FOXO3: variants seen among roughly 807,000 people sequenced by gnomAD.
FOXO3 encodes forkhead box O3.
A neutral mutation model predicts 41.9 loss-of-function variants in FOXO3; 4 were observed. That is an observed-to-expected ratio of 0.10 (90% confidence interval 0.05 to 0.22). FOXO3 has a LOEUF of 0.22. Ranked by LOEUF, FOXO3 falls within the 10% of genes least tolerant of loss-of-function variation. The pLI is 1.00. For synonymous variants in FOXO3, 318 were observed against 389.3 expected, an observed-to-expected ratio of 0.82 and a Z score of 2.16; for missense variants, 534 against 906.8, an observed-to-expected ratio of 0.59 and a Z score of 5.28.
At chr6:108,651,827 G>T (rs1267854056) in intron 1 of FOXO3, among the ~76,000 whole-genome samples, 1 of 152,208 alleles carries the variant, frequency 6.6e-6, no homozygotes, top group Non-Finnish European at 1.5e-5. Flanking sequence ...CAGAGTTTTT[G>T]ATTGAGGTTA....
intron 1 of FOXO3, chr6:108,617,939 T>G (rs1777561874): frequency 2.2e-6 from 1 of 460,018 alleles, no homozygotes; most frequent in Non-Finnish European, 4.0e-6. Flanking sequence ...AGTTTTCTAC[T>G]TGAGAAGGTA....
chr6:108,664,708 G>GTCCATTA lies in FOXO3; in HGVS notation c.1879_1885dup (p.Arg629HisfsTer4). The GTCCATTA allele has an allele frequency of 8.7e-7, 1 of 1,146,496 alleles. No individual in the cohort carries two copies. The highest frequency in any genetic ancestry group is 1.3e-6 in the Non-Finnish European group (1 of 769,164). 71.0% of individuals were successfully genotyped at this position (1,146,496 alleles called of 1,614,324 possible). A position where few individuals can be genotyped will look rare whatever the true frequency, so the allele number is the denominator to read the frequency against. On this transcript the variant is annotated frameshift_variant, in exon 2 of 3. Coordinates refer to ENST00000406360, the MANE Select transcript of FOXO3 (RefSeq NM_001455.4). LOFTEE classifies it high-confidence loss of function. ...ATGGGAGCTTGGAATGTGACATGGA[G>GTCCATTA]TCCATTATCCGTAGTGAACTCATGG...
intron 2 of FOXO3, among the ~76,000 whole-genome samples, chr6:108,677,939 A>G (rs1010838280): frequency 4.6e-5 from 7 of 152,180 alleles, no homozygotes; most frequent in African/African-American, 1.4e-4. Flanking sequence ...GAATGCCCCA[A>G]AAAACCATCA....
At chr6:108,649,688 C>G (rs1339210005) in intron 1 of FOXO3, among the ~76,000 whole-genome samples, 1 of 151,800 alleles carries the variant, frequency 6.6e-6, no homozygotes, top group African/African-American at 2.4e-5. Flanking sequence ...TGTGCCTGGC[C>G]CCTACTTCCC....
chr6:108,595,846 C>A (rs1776868662), intron 1 of FOXO3, among the ~76,000 whole-genome samples: 1 of 152,116 alleles, frequency 6.6e-6, no homozygotes, highest in Admixed American at 6.5e-5. Context: ...GCCAAGCTGC[C>A]AATTTACCTT....
intron 1 of FOXO3, among the ~76,000 whole-genome samples, chr6:108,573,372 A>G (rs144659162): frequency 3.3e-5 from 5 of 152,288 alleles, no homozygotes; most frequent in East Asian, 3.9e-4. Flanking sequence ...CTTTACCTCT[A>G]TCCCCAGGAA....
At chr6:108,577,573 G>A (rs1446348714) in intron 1 of FOXO3, among the ~76,000 whole-genome samples, 3 of 152,170 alleles carry the variant, frequency 2.0e-5, no homozygotes, top group Non-Finnish European at 4.4e-5. Flanking sequence ...AAAACCACCA[G>A]TGCCTAGGTA....
intron 1 of FOXO3, among the ~76,000 whole-genome samples, chr6:108,647,891 C>T (rs906882526): frequency 1.5e-4 from 23 of 152,252 alleles, no homozygotes; most frequent in African/African-American, 5.5e-4. Context: ...TAAATGTCAT[C>T]GTATGTGTTT....
chr6:108,645,559 A>T (rs1282351909), intron 1 of FOXO3, among the ~76,000 whole-genome samples: 2 of 151,514 alleles, frequency 1.3e-5, no homozygotes, highest in African/African-American at 4.9e-5. Context: ...TTAAGTCCCT[A>T]TCCTTAATGG....
At chr6:108,660,261 C>G (rs967240408) in intron 1 of FOXO3, among the ~76,000 whole-genome samples, 1 of 152,162 alleles carries the variant, frequency 6.6e-6, no homozygotes, top group African/African-American at 2.4e-5. Context: ...ATGCTTCATA[C>G]CTATTGCATA....
intron 1 of FOXO3, chr6:108,639,536 A>G (rs1269611083): frequency 1.8e-5 from 18 of 985,214 alleles, no homozygotes; most frequent in Non-Finnish European, 1.9e-5. Context: ...GCCTGGGTAC[A>G]GTGACCCAAG....
At chr6:108,652,839 T>C (rs1330999880) in intron 1 of FOXO3, among the ~76,000 whole-genome samples, 1 of 152,176 alleles carries the variant, frequency 6.6e-6, no homozygotes, top group Non-Finnish European at 1.5e-5. Context: ...TGGTTTTGAG[T>C]GTGCCTGGGA....
chr6:108,582,166 A>G (rs538470837), intron 1 of FOXO3, among the ~76,000 whole-genome samples: 2 of 152,228 alleles, frequency 1.3e-5, no homozygotes, highest in Admixed American at 1.3e-4. Flanking sequence ...CCCTTTCTTC[A>G]CTGGCTTGGT....
rs1306360338 is a variant in FOXO3, at chr6:108,682,876, GA to G, written c.*3085del. 3 of 152,682 alleles carry G rather than the reference GA, an allele frequency of 2.0e-5. No individual in the cohort carries two copies. The highest frequency in any genetic ancestry group is 7.2e-5 in the African/African-American group (3 of 41,464). 9.5% of individuals were successfully genotyped at this position (152,682 alleles called of 1,614,324 possible). A position where few individuals can be genotyped will look rare whatever the true frequency, so the allele number is the denominator to read the frequency against. ...TCTAGGGAGCCGCCTACTTTTTGATGAGAAATTAGAAGAGTACCTAATGTTG... is the reference window on the plus strand; with the variant it reads ...TCTAGGGAGCCGCCTACTTTTTGATGGAAATTAGAAGAGTACCTAATGTTG... On this transcript the variant is annotated 3_prime_UTR_variant, in exon 3 of 3. Transcript: ENST00000406360.
rs114239687 is a variant in FOXO3, at chr6:108,611,851, A to C, written c.621+50022A>C. On this transcript the variant is annotated intron_variant, in intron 1 of 2. Coordinates refer to ENST00000406360, the MANE Select transcript of FOXO3 (RefSeq NM_001455.4). Reference sequence around the variant, plus strand: ...TTTGTTAACAGTGTCCTAACAACTAAAGAGCTAAGTTTTAGCTCTTAAATT... The same window carrying C: ...TTTGTTAACAGTGTCCTAACAACTACAGAGCTAAGTTTTAGCTCTTAAATT... Among the ~76,000 whole-genome samples the C allele has an allele frequency of 8.0e-3, 1,218 of 152,258 alleles. 18 individuals are homozygous for C. Among genetic ancestry groups the C allele is most frequent in the African/African-American group, 0.028 (1,154 of 41,556 alleles).
chr6:108,594,195 G>A (rs562064369), intron 1 of FOXO3, among the ~76,000 whole-genome samples: 2 of 152,274 alleles, frequency 1.3e-5, no homozygotes, highest in South Asian at 4.1e-4. Context: ...TAAGTAGAAG[G>A]AAAAGGGCAG....
rs1024200790 is a variant in FOXO3, at chr6:108,680,557, G to A, written c.*765G>A. 4 of 152,404 alleles carry A rather than the reference G, an allele frequency of 2.6e-5. No individual in the cohort carries two copies. Among genetic ancestry groups the A allele is most frequent in the East Asian group, 1.9e-4 (1 of 5,208 alleles). The allele number at this position is 152,404 out of a possible 1,614,324, so 9.4% of individuals were successfully genotyped here. A position where few individuals can be genotyped will look rare whatever the true frequency, so the allele number is the denominator to read the frequency against. ...CTGAGTCAGGGTGATCTGTGGACGG[G>A]ACCCCAGCACCAAGTCTACGGGTGC... On this transcript the variant is annotated 3_prime_UTR_variant, in exon 3 of 3. Transcript: ENST00000406360.
chr6:108,678,890 T>TTTTTTTTTTTTTTTTTTTTC (rs368405598), intron 2 of FOXO3, among the ~76,000 whole-genome samples: 2 of 115,334 alleles, frequency 1.7e-5, no homozygotes, highest in Non-Finnish European at 1.8e-5. Context: ...TTTTTTTTTT[T>TTTTTTTTTTTTTTTTTTTTC]TGAGACGGAG....
At chr6:108,625,161 C>T (rs940767018) in intron 1 of FOXO3, among the ~76,000 whole-genome samples, 20 of 152,056 alleles carry the variant, frequency 1.3e-4, no homozygotes, top group African/African-American at 4.4e-4. Flanking sequence ...ATTTATCTGA[C>T]GTTTGTTATA....
Sources: gnomAD v4.1 joint callset for allele counts (sites outside exome capture counted in the v4.1 genomes callset) on GRCh38, gnomAD v4.1.1 for gene constraint, MANE v1.5 for transcripts, NCBI Gene and HGNC (gene_info 2026-07-23, HGNC 2026-07-21) for gene names.